TENM2: variants seen among roughly 807,000 people sequenced by gnomAD.
TENM2 encodes the protein teneurin transmembrane protein 2.
In TENM2, 52 loss-of-function variants were observed where a neutral mutation model predicts 245.2. The observed-to-expected ratio is 0.21, with a 90% CI of 0.17 to 0.27. The LOEUF (loss-of-function observed/expected upper bound fraction) is 0.27, where lower values mean the gene tolerates loss of function less well. Ranked by LOEUF, TENM2 falls within the 10% of genes least tolerant of loss-of-function variation. The pLI, the probability that TENM2 is intolerant of heterozygous loss-of-function variation, is 1.00. For synonymous variants in TENM2, 1,363 were observed against 1,438.9 expected (o/e 0.95, Z 1.19); for missense variants, 3,046 against 3,666.8 (o/e 0.83, Z 4.37).
chr5:168,002,566 T>A (rs186032628), intron 5 of TENM2, among the ~76,000 whole-genome samples: 4 of 152,334 alleles, frequency 2.6e-5, no homozygotes, highest in Admixed American at 6.5e-5. Flanking sequence ...AAACTGGTTT[T>A]AAGGCTGCCT....
chr5:167,486,184 A>C (rs1768057851), intron 2 of TENM2, among the ~76,000 whole-genome samples: 1 of 152,332 alleles, frequency 6.6e-6, no homozygotes, highest in Admixed American at 6.5e-5. Context: ...AAACATAAGC[A>C]TACATAGAAC....
chr5:167,623,632 C>T (rs1191189516), intron 2 of TENM2, among the ~76,000 whole-genome samples: 2 of 152,094 alleles, frequency 1.3e-5, no homozygotes, highest in African/African-American at 2.4e-5. Flanking sequence ...ACATTGTTCT[C>T]GGAAGGAATC....
intron 9 of TENM2, among the ~76,000 whole-genome samples, chr5:168,105,214 T>C (rs771312438): frequency 1.3e-5 from 2 of 152,174 alleles, no homozygotes; most frequent in African/African-American, 4.8e-5. Flanking sequence ...CAGGGACTTA[T>C]TATACTCACA....
chr5:167,090,844 A>T, the TENM2 span, among the ~76,000 whole-genome samples: 1 of 151,496 alleles, frequency 6.6e-6, no homozygotes, highest in Non-Finnish European at 1.5e-5. Flanking sequence ...ATTGCACTAG[A>T]TTCTAAAATG....
At chr5:168,097,964 G>C in intron 8 of TENM2, 62 bp from the exon 11 acceptor site, 1 of 1,291,162 alleles carries the variant, frequency 7.7e-7, no homozygotes, top group Non-Finnish European at 1.1e-6. Flanking sequence ...AGTTACTGAC[G>C]GTTAAATTAC....
At chr5:168,158,807 ATGTGTGTG>A (rs371329253) in intron 12 of TENM2, among the ~76,000 whole-genome samples, 3 of 80,470 alleles carry the variant, frequency 3.7e-5, no homozygotes, top group African/African-American at 1.2e-4. Context: ...TAAAAAAAAA[ATGTGTGTG>A]TGTGTGTGTG....
chr5:167,433,723 A>T (rs1302848170), intron 2 of TENM2, among the ~76,000 whole-genome samples: 1 of 152,100 alleles, frequency 6.6e-6, no homozygotes, highest in Admixed American at 6.5e-5. Context: ...TAAAGTGAAA[A>T]TATGGTATAA....
intron 2 of TENM2, among the ~76,000 whole-genome samples, chr5:167,789,323 T>C (rs1242508333): frequency 1.3e-5 from 2 of 152,176 alleles, no homozygotes; most frequent in African/African-American, 2.4e-5. Context: ...AGCTACCCAT[T>C]GTGGGAAGCC....
At position 168,004,264 on chromosome 5, in the gene TENM2, A is replaced by G. The variant is rs79743959; in HGVS notation, c.1186+11082A>G. Among the ~76,000 whole-genome samples, 808 of 152,272 alleles carry G rather than the reference A, an allele frequency of 5.3e-3. 6 individuals carry two copies. The highest frequency in any genetic ancestry group is 0.019 in the African/African-American group (773 of 41,538). On this transcript the variant is annotated intron_variant, in intron 5 of 28. Coordinates refer to ENST00000518659, the Ensembl canonical transcript of TENM2. The stretch of plus-strand genomic sequence containing the variant: ...CCCATGCCTTATTTTGCCTAACTTC[A>G]TAGTGTGAAGAAAGATCCAGTAGTG...
At chr5:167,979,020 C>G (rs577337750) in intron 4 of TENM2, among the ~76,000 whole-genome samples, 1 of 152,232 alleles carries the variant, frequency 6.6e-6, no homozygotes, top group South Asian at 2.1e-4. Context: ...ACAAAATACC[C>G]AGTACATGTG....
intron 2 of TENM2, among the ~76,000 whole-genome samples, chr5:167,773,227 G>A (rs1763519856): frequency 1.3e-5 from 2 of 152,158 alleles, no homozygotes. Flanking sequence ...ACAAATTGAT[G>A]TTCTGCCTAC....
intron 2 of TENM2, among the ~76,000 whole-genome samples, chr5:167,468,133 C>T (rs1319346475): frequency 1.3e-5 from 2 of 152,114 alleles, no homozygotes; most frequent in Admixed American, 6.5e-5. Context: ...GACGGGGTTT[C>T]ACCATGCTGT....
chr5:168,130,956 C>T (rs942114157), intron 12 of TENM2, among the ~76,000 whole-genome samples: 1 of 152,122 alleles, frequency 6.6e-6, no homozygotes. Flanking sequence ...CATGGAGGAA[C>T]TATAGAATGT....
At chr5:167,375,887 T>C (rs1760720828) in intron 2 of TENM2, among the ~76,000 whole-genome samples, 1 of 152,182 alleles carries the variant, frequency 6.6e-6, no homozygotes, top group South Asian at 2.1e-4. Context: ...AATCCCACCT[T>C]ATCTTAGACT....
chr5:167,714,271 G>A (rs1759105376), intron 2 of TENM2, among the ~76,000 whole-genome samples: 1 of 152,204 alleles, frequency 6.6e-6, no homozygotes, highest in Non-Finnish European at 1.5e-5. Context: ...GGTTTTCTTT[G>A]CACTAGACTG....
At chr5:167,310,902 A>G (rs62388769) in intron 1 of TENM2, among the ~76,000 whole-genome samples, 1 of 152,244 alleles carries the variant, frequency 6.6e-6, no homozygotes, top group African/African-American at 2.4e-5. Flanking sequence ...GACCTAAATG[A>G]ACCTGCAACA....
chr5:167,158,892 CT>C, the TENM2 span, among the ~76,000 whole-genome samples: 1 of 144,552 alleles, frequency 6.9e-6, no homozygotes, highest in African/African-American at 2.6e-5. Flanking sequence ...TCCTTCCTTC[CT>C]TCCTTCCTTC....
intron 9 of TENM2, among the ~76,000 whole-genome samples, chr5:168,115,341 A>AGGGAAGGAC: frequency 7.5e-6 from 1 of 133,796 alleles, no homozygotes; most frequent in East Asian, 2.4e-4. Flanking sequence ...AAGGGAAGGA[A>AGGGAAGGAC]GGAAAGGAGG....
intron 1 of TENM2, among the ~76,000 whole-genome samples, chr5:167,348,533 A>G (rs968870545): frequency 5.3e-5 from 8 of 152,130 alleles, no homozygotes; most frequent in African/African-American, 1.9e-4. Context: ...TTCTTCCTAG[A>G]CTGAGATAGA....
Sources: allele counts gnomAD v4.1 joint callset (sites outside exome capture counted in the v4.1 genomes callset), GRCh38; gene constraint gnomAD v4.1.1; transcripts MANE v1.5; gene names NCBI Gene and HGNC (gene_info 2026-07-23, HGNC 2026-07-21).